Variants in TNIP3 observed in about 807,000 individuals in gnomAD.
The protein encoded by TNIP3 is TNFAIP3-interacting protein 3.
Under a neutral mutation model 54.1 loss-of-function variants are expected in TNIP3, and 34 were observed. The ratio of observed to expected loss-of-function variants is 0.63; its 90% confidence interval spans 0.48 to 0.84. The LOEUF (loss-of-function observed/expected upper bound fraction) is 0.84, where lower values mean the gene tolerates loss of function less well. Ranked by LOEUF, TNIP3 falls within the 40% of genes least tolerant of loss-of-function variation. The pLI is 0.00. For missense variants in TNIP3, 366 were observed against 387.6 expected (o/e 0.94, Z 0.47); for synonymous variants, 134 against 136.8 (o/e 0.98, Z 0.14).
At chr4:121,136,863 A>G (rs1264245045) in intron 10 of TNIP3, among the ~76,000 whole-genome samples, 1 of 151,272 alleles carries the variant, frequency 6.6e-6, no homozygotes, top group East Asian at 1.9e-4. Context: ...CTCCGAAAAA[A>G]AAAAAAAAAA....
At position 121,150,145 on chromosome 4, in the gene TNIP3, G is replaced by A. The variant is rs1342817325; in HGVS notation, c.567C>T (p.Cys189=). ...CCATTTCTGTTCTCATCTCCTCATG[G>A]CAGAATTCCACTCGAGACTTCCTCA... ...DCLRKSRVEF[C]HEEMRTEMEV... is the part of the protein sequence containing the mutation. The change falls in exon 6 of 11, where the codon TGC becomes TGT. Residue 189 remains cysteine (C), a synonymous_variant. Transcript: ENST00000057513. 6.2e-7 allele frequency: 1 copy of A among 1,613,538 alleles called. No homozygotes were observed. The highest frequency in any genetic ancestry group is 2.2e-5 in the East Asian group (1 of 44,840).
intron 2 of TNIP3, among the ~76,000 whole-genome samples, chr4:121,203,952 AAT>A (rs1033208315): frequency 4.7e-5 from 7 of 148,438 alleles, no homozygotes; most frequent in Non-Finnish European, 7.4e-5. Flanking sequence ...TTCTTTTTAA[AAT>A]ATATATATAT....
intron 2 of TNIP3, among the ~76,000 whole-genome samples, chr4:121,212,788 T>C (rs1246990304): frequency 6.6e-6 from 1 of 152,188 alleles, no homozygotes; most frequent in Non-Finnish European, 1.5e-5. Flanking sequence ...TTCTTTCTTC[T>C]GCCTTTCCAG....
chr4:121,161,413 TA>T (rs1463169756), intron 1 of TNIP3, among the ~76,000 whole-genome samples, 197 bp from the exon 2 acceptor site: 2 of 152,190 alleles, frequency 1.3e-5, no homozygotes, highest in Admixed American at 1.3e-4. Context: ...TATTATGTTT[TA>T]GAATGCTTTA....
upstream of TNIP3, among the ~76,000 whole-genome samples, chr4:121,167,929 C>T (rs1730852449): frequency 6.6e-6 from 1 of 152,066 alleles, no homozygotes; most frequent in Non-Finnish European, 1.5e-5. Flanking sequence ...TCCTTCTTCA[C>T]CTGACCTGTT....
Position 121,138,688 on chromosome 4 carries a change from T to G in TNIP3, c.886-4A>C. The G allele has an allele frequency of 6.2e-7, 1 of 1,613,386 alleles. No homozygotes were observed. Among genetic ancestry groups the G allele is most frequent in the Non-Finnish European group, 8.5e-7 (1 of 1,179,308 alleles). On this transcript the variant is annotated splice_polypyrimidine_tract_variant and splice_region_variant and intron_variant, in intron 9 of 10. Transcript: ENST00000057513. ...GAGCATACCACTGATAGTCTGGCTG[T>G]GTGGAACAATACAACATTATTATAG...
intron 1 of TNIP3, 131 bp from the exon 2 acceptor site, chr4:121,161,347 G>T: frequency 2.8e-6 from 2 of 709,358 alleles, no homozygotes; most frequent in East Asian, 2.7e-5. Context: ...GATTCTAGCA[G>T]TAATAATCCT....
intron 2 of TNIP3, among the ~76,000 whole-genome samples, chr4:121,205,678 T>C (rs560927189): frequency 6.6e-6 from 1 of 152,228 alleles, no homozygotes; most frequent in East Asian, 1.9e-4. Context: ...ATTCTGGGCA[T>C]AATTTGAATT....
intron 2 of TNIP3, among the ~76,000 whole-genome samples, chr4:121,160,305 C>A (rs933678491): frequency 2.6e-5 from 4 of 151,996 alleles, no homozygotes; most frequent in Admixed American, 2.6e-4. Context: ...ATGGCGAAAC[C>A]CCATCTCTAC....
intron 10 of TNIP3, among the ~76,000 whole-genome samples, chr4:121,136,959 A>G (rs1728822154): frequency 1.3e-5 from 2 of 151,780 alleles, no homozygotes; most frequent in Middle Eastern, 6.4e-3. Context: ...TTTATACATC[A>G]CAAAGCTCAC....
rs1730139969 is a variant in TNIP3 at position 121,157,008 on chromosome 4, A to T, written c.363+86T>A. On this transcript the variant is annotated intron_variant, in intron 4 of 10. Coordinates refer to ENST00000057513, the MANE Select transcript of TNIP3 (RefSeq NM_024873.6). The stretch of plus-strand genomic sequence containing the variant: ...TGCTCAGTAGTGAGTTGATTTTAAT[A>T]AAACGGTAGGTTTTCTACAGGAAAT... 60 of 1,565,420 alleles carry T rather than the reference A, an allele frequency of 3.8e-5. No individual in the cohort carries two copies. The South Asian group carries it at 6.6e-4, about 17-fold the overall frequency.
intron 3 of TNIP3, among the ~76,000 whole-genome samples, chr4:121,180,851 C>T (rs1724651618): frequency 6.6e-6 from 1 of 152,206 alleles, no homozygotes; most frequent in Non-Finnish European, 1.5e-5. Flanking sequence ...TTCCAATAGT[C>T]ATTTCATATC....
intron 1 of TNIP3, among the ~76,000 whole-genome samples, chr4:121,226,654 C>A (rs535359274): frequency 2.6e-5 from 4 of 152,204 alleles, no homozygotes; most frequent in Admixed American, 6.5e-5. Context: ...ATCAGCACTG[C>A]GCCTGTAAGC....
At chr4:121,186,973 A>G (rs1466343682) in intron 2 of TNIP3, among the ~76,000 whole-genome samples, 1 of 152,212 alleles carries the variant, frequency 6.6e-6, no homozygotes, top group Non-Finnish European at 1.5e-5. Context: ...TGAATTAGTG[A>G]AATCAATATG....
chr4:121,191,381 G>A (rs1405786987), intron 2 of TNIP3, among the ~76,000 whole-genome samples: 4 of 152,162 alleles, frequency 2.6e-5, no homozygotes, highest in African/African-American at 9.7e-5. Flanking sequence ...ACACCTGGAA[G>A]AGAACAAAGT....
At chr4:121,157,662 T>C (rs551089715) in intron 3 of TNIP3, among the ~76,000 whole-genome samples, 1 of 152,152 alleles carries the variant, frequency 6.6e-6, no homozygotes, top group South Asian at 2.1e-4. Context: ...GGCCTTTAAT[T>C]TATCAGTAAT....
intron 2 of TNIP3, among the ~76,000 whole-genome samples, chr4:121,212,142 G>A (rs1295936275): frequency 6.6e-6 from 1 of 152,202 alleles, no homozygotes; most frequent in Non-Finnish European, 1.5e-5. Flanking sequence ...CAAGCATAAA[G>A]TATTCAAGGC....
chr4:121,195,173 CA>C (rs368987300), intron 2 of TNIP3, among the ~76,000 whole-genome samples: 6,917 of 147,116 alleles, frequency 0.047, 521 homozygotes, highest in African/African-American at 0.16. Context: ...CAAAACAAAA[CA>C]AAAAAAAAAC....
rs1730433412 is a variant in TNIP3 at position 121,161,231 on chromosome 4, A to AG, written c.67-16_67-15insC. On this transcript the variant is annotated splice_polypyrimidine_tract_variant and intron_variant, in intron 1 of 10. Coordinates refer to ENST00000057513, the MANE Select transcript of TNIP3 (RefSeq NM_024873.6). ...GGTTCAGCACACTTAGAAAAAAAAA[A>AG]AGAGAGAAGATTGAAACAAAGCTGT... 1.9e-6 allele frequency: 3 copies of AG among 1,543,054 alleles called. No individual in the cohort carries two copies. Among genetic ancestry groups the AG allele is most frequent in the Non-Finnish European group, 1.7e-6 (2 of 1,143,860 alleles).
Sources: allele counts gnomAD v4.1 joint callset (sites outside exome capture counted in the v4.1 genomes callset), GRCh38; gene constraint gnomAD v4.1.1; transcripts MANE v1.5; gene names NCBI Gene and HGNC (gene_info 2026-07-23, HGNC 2026-07-21).